The following STON1 variants were observed in gnomAD, a reference collection of about 807,000 sequenced individuals.
The protein encoded by STON1 is stonin-1.
Under a neutral mutation model 60.9 loss-of-function variants are expected in STON1, and 79 were observed. The ratio of observed to expected loss-of-function variants is 1.30; its 90% CI spans 1.08 to 1.56. The LOEUF (loss-of-function observed/expected upper bound fraction) is 1.56. Among genes scored for constraint, STON1 ranks in the 40% most tolerant of loss-of-function variants. The pLI, the probability that STON1 is intolerant of heterozygous loss-of-function variation, is 0.00. For synonymous variants in STON1, 363 were observed against 306.9 expected, an observed-to-expected ratio of 1.18 and a Z score of -1.91; for missense variants, 1,166 against 858.9, an observed-to-expected ratio of 1.36 and a Z score of -4.47.
chr2:48,588,308 C>A (rs1674327588), intron 2 of STON1, among the ~76,000 whole-genome samples: 1 of 152,128 alleles, frequency 6.6e-6, no homozygotes, highest in Non-Finnish European at 1.5e-5. Flanking sequence ...TTAAAAAGCT[C>A]TTTAAAATTT....
At position 48,554,724 on chromosome 2, in the gene STON1, TTA is replaced by T. The variant is rs1491422576; in HGVS notation, c.-48+24510_-48+24511del. Reference sequence around the variant, plus strand: ...AGTGCAAAATTTTTTTTTTTTTTTTTTATTTATTTATTTATTTTTTTATTGAT... The same window carrying T: ...AGTGCAAAATTTTTTTTTTTTTTTTTTTTATTTATTTATTTTTTTATTGAT... On this transcript the variant is annotated intron_variant, in intron 1 of 3. Coordinates refer to ENST00000404752, the MANE Select transcript of STON1 (RefSeq NM_006873.4). Among the ~76,000 whole-genome samples the T allele has an allele frequency of 9.5e-3, 793 of 83,676 alleles. 63 individuals are homozygous for T. The highest frequency in any genetic ancestry group is 0.021 in the Middle Eastern group (4 of 188). 54.9% of individuals were successfully genotyped at this position (83,676 alleles called of 152,430 possible). A position where few individuals can be genotyped will look rare whatever the true frequency, so the allele number is the denominator to read the frequency against.
chr2:48,560,530 C>T (rs773928516), intron 1 of STON1, among the ~76,000 whole-genome samples: 6 of 152,212 alleles, frequency 3.9e-5, no homozygotes, highest in Non-Finnish European at 7.3e-5. Context: ...TTTGCCTGAA[C>T]GAAGCCTGCT....
chr2:48,566,735 G>A lies in STON1; in HGVS notation c.-47-13852G>A, dbSNP rs116653505. 4.8e-3 allele frequency among the ~76,000 whole-genome samples: 737 copies of A among 152,294 alleles called. 8 individuals carry two copies. Among genetic ancestry groups the A allele is most frequent in the African/African-American group, 0.017 (688 of 41,562 alleles). The stretch of plus-strand genomic sequence containing the variant: ...GTTAGGCTCCTACTCTCCCACTGAC[G>A]CTAGAGGGACCCTATCTTCAGGCAT... On this transcript the variant is annotated intron_variant, in intron 1 of 3. Transcript: ENST00000404752.
intron 1 of STON1, among the ~76,000 whole-genome samples, chr2:48,579,147 G>T (rs953329806): frequency 2.0e-5 from 3 of 151,812 alleles, no homozygotes; most frequent in Non-Finnish European, 4.4e-5. Flanking sequence ...GGGATTACAA[G>T]TGTGTGCCAC....
intron 1 of STON1, among the ~76,000 whole-genome samples, chr2:48,548,119 T>C (rs979434921): frequency 6.6e-6 from 1 of 152,246 alleles, no homozygotes; most frequent in Non-Finnish European, 1.5e-5. Context: ...GCTCCTTGAA[T>C]GGGACCTCAT....
At position 48,595,325 on chromosome 2, in the gene STON1, C is replaced by A; in HGVS notation, c.*23C>A. On this transcript the variant is annotated 3_prime_UTR_variant, in exon 4 of 4. Coordinates refer to ENST00000404752, the MANE Select transcript of STON1 (RefSeq NM_006873.4). Reference sequence around the variant, plus strand: ...TAGGAGTAGCAAGAGTTTATGATGACAGCCCACTTGTCAAATATGTAATTC... The same window carrying A: ...TAGGAGTAGCAAGAGTTTATGATGAAAGCCCACTTGTCAAATATGTAATTC... 1 of 1,593,834 alleles carries A rather than the reference C, an allele frequency of 6.3e-7. No individual in the cohort carries two copies. The highest frequency in any genetic ancestry group is 1.7e-4 in the Middle Eastern group (1 of 6,004).
chr2:48,556,800 A>AC (rs1371705312), intron 1 of STON1, among the ~76,000 whole-genome samples: 1 of 35,158 alleles, frequency 2.8e-5, no homozygotes, highest in Non-Finnish European at 5.1e-5. Context: ...GGGGGGGCTG[A>AC]CCCCCCACCT....
Position 48,534,383 on chromosome 2 carries a change from G to A in STON1, c.-48+4167G>A, listed in dbSNP as rs185899073. Among the ~76,000 whole-genome samples, 7 of 152,278 alleles carry A rather than the reference G, an allele frequency of 4.6e-5. No homozygotes were observed. The East Asian group carries it at 1.3e-3, about 29-fold the overall frequency. ...ATCCATGGTCACACAGCCACTAAGT[G>A]CTGGAATCAAGTGTTGAATTCAGGT... On this transcript the variant is annotated intron_variant, in intron 1 of 3. Transcript: ENST00000404752.
At chr2:48,545,836 C>G (rs1671843304) in intron 1 of STON1, among the ~76,000 whole-genome samples, 2 of 152,196 alleles carry the variant, frequency 1.3e-5, no homozygotes. Flanking sequence ...TGAGCAGCTG[C>G]TCTGTTTCAG....
At chr2:48,566,407 G>A (rs553420744) in intron 1 of STON1, among the ~76,000 whole-genome samples, 2 of 151,990 alleles carry the variant, frequency 1.3e-5, no homozygotes, top group Admixed American at 6.6e-5. Flanking sequence ...ATCTTCTGAC[G>A]TCAGGTGATC....
chr2:48,555,368 G>A (rs1672294317), intron 1 of STON1, among the ~76,000 whole-genome samples: 1 of 54,748 alleles, frequency 1.8e-5, no homozygotes, highest in African/African-American at 6.7e-5. Context: ...GCCGGGCAGA[G>A]GGGCTCCTCA....
intron 1 of STON1, among the ~76,000 whole-genome samples, chr2:48,554,707 A>ATTTTTTTTTTTTTTTTTTTTTTT (rs11475306): frequency 1.1e-5 from 1 of 88,804 alleles, no homozygotes; most frequent in Non-Finnish European, 2.3e-5. Flanking sequence ...TAAGTGCAAA[A>ATTTTTTTTTTTTTTTTTTTTTTT]TTTTTTTTTT....
In STON1 at chr2:48,559,019, A is replaced by G. The variant is rs371086392; in HGVS notation, c.-47-21568A>G. Among the ~76,000 whole-genome samples, 15 of 149,374 alleles carry G rather than the reference A, an allele frequency of 1.0e-4. No individual in the cohort carries two copies. The East Asian group carries it at 1.2e-3, about 12-fold the overall frequency. On this transcript the variant is annotated intron_variant, in intron 1 of 3. Coordinates refer to ENST00000404752, the MANE Select transcript of STON1 (RefSeq NM_006873.4). ...CTCATTGGAGCATTTCAGATTTTGGATTTTCAGATTAGGGATGCTGAGCTG... is the reference window on the plus strand; with the variant it reads ...CTCATTGGAGCATTTCAGATTTTGGGTTTTCAGATTAGGGATGCTGAGCTG...
chr2:48,557,095 G>C (rs1341710634), intron 1 of STON1, among the ~76,000 whole-genome samples: 6 of 102,536 alleles, frequency 5.9e-5, no homozygotes, highest in African/African-American at 2.2e-4. Context: ...CCTCCCTCCC[G>C]GACGGGGTGG....
intron 1 of STON1, among the ~76,000 whole-genome samples, chr2:48,542,971 CTTTTTTTTTT>C (rs761874001): frequency 9.5e-6 from 1 of 105,494 alleles, no homozygotes; most frequent in Non-Finnish European, 1.9e-5. Context: ...AATATCTTGA[CTTTTTTTTTT>C]TTTTTTTTTT....
chr2:48,559,264 A>T (rs1394516974), intron 1 of STON1, among the ~76,000 whole-genome samples: 2 of 152,184 alleles, frequency 1.3e-5, no homozygotes, highest in Non-Finnish European at 2.9e-5. Context: ...CTATAACAAA[A>T]AATAGCTTAG....
chr2:48,538,936 A>G (rs1671544263), intron 1 of STON1, among the ~76,000 whole-genome samples: 1 of 151,768 alleles, frequency 6.6e-6, no homozygotes, highest in Admixed American at 6.6e-5. Context: ...GATTTTTTAG[A>G]GATGGGATCT....
At chr2:48,565,974 C>T (rs6712592) in intron 1 of STON1, among the ~76,000 whole-genome samples, 49,852 of 151,956 alleles carry the variant, frequency 0.33, 8,308 homozygotes, top group East Asian at 0.4. Flanking sequence ...TCCAAATCTT[C>T]TCTTTGTTCA....
At chr2:48,591,240 A>C (rs1449478609) in intron 2 of STON1, among the ~76,000 whole-genome samples, 2 of 149,792 alleles carry the variant, frequency 1.3e-5, no homozygotes, top group South Asian at 4.2e-4. Flanking sequence ...ATATTTAGCA[A>C]ATTATATTAG....
Sources: gnomAD v4.1 joint callset for allele counts (sites outside exome capture counted in the v4.1 genomes callset) on GRCh38, gnomAD v4.1.1 for gene constraint, MANE v1.5 for transcripts, NCBI Gene and HGNC (gene_info 2026-07-23, HGNC 2026-07-21) for gene names.